The following RPS6KC1 variants were observed in gnomAD, a reference collection of about 807,000 sequenced individuals.
RPS6KC1 encodes ribosomal protein S6 kinase C1.
Under a neutral mutation model 103.8 loss-of-function variants are expected in RPS6KC1, and 54 were observed. The ratio of observed to expected loss-of-function variants is 0.52; its 90% CI spans 0.42 to 0.65. RPS6KC1 has a LOEUF of 0.65. RPS6KC1 is among the 30% of genes least tolerant of loss of function. The pLI, the probability that RPS6KC1 is intolerant of heterozygous loss-of-function variation, is 0.00. For synonymous variants in RPS6KC1, 439 were observed against 438.7 expected (o/e 1.00, Z -0.01); for missense variants, 1,151 against 1,253.8 (o/e 0.92, Z 1.24).
chr1:213,245,240 G>A (rs1428592396), intron 12 of RPS6KC1, among the ~76,000 whole-genome samples: 4 of 152,156 alleles, frequency 2.6e-5, no homozygotes. Flanking sequence ...AAGGATGGAA[G>A]CAATGATAAT....
chr1:213,858,531 T>C, the RPS6KC1 span, among the ~76,000 whole-genome samples: 1 of 152,104 alleles, frequency 6.6e-6, no homozygotes, highest in East Asian at 1.9e-4. Flanking sequence ...CACAGGCCAA[T>C]ATTGCTGCAC....
chr1:213,479,178 G>A, the RPS6KC1 span, among the ~76,000 whole-genome samples: 1 of 151,788 alleles, frequency 6.6e-6, no homozygotes, highest in Non-Finnish European at 1.5e-5. Flanking sequence ...TTAACTTTTT[G>A]TACTTATTAA....
the RPS6KC1 span, among the ~76,000 whole-genome samples, chr1:213,289,842 C>G: frequency 6.6e-6 from 1 of 152,240 alleles, no homozygotes; most frequent in East Asian, 1.9e-4. Context: ...AGTTTGAGAC[C>G]AGCCTGGCCA....
chr1:213,514,236 T>A, the RPS6KC1 span, among the ~76,000 whole-genome samples: 13 of 150,262 alleles, frequency 8.7e-5, no homozygotes, highest in Non-Finnish European at 1.6e-4. Context: ...AGGGATATAT[T>A]TTTTTTATTA....
At chr1:213,788,112 A>G in the RPS6KC1 span, among the ~76,000 whole-genome samples, 1 of 152,072 alleles carries the variant, frequency 6.6e-6, no homozygotes, top group South Asian at 2.1e-4. Flanking sequence ...ATTGGTTTTT[A>G]TTTTTCTTCT....
intron 3 of RPS6KC1, among the ~76,000 whole-genome samples, chr1:213,098,596 G>T (rs1416048587): frequency 6.6e-6 from 1 of 152,132 alleles, no homozygotes; most frequent in Non-Finnish European, 1.5e-5. Flanking sequence ...GGTACAGCTG[G>T]TTGGTGGAGC....
chr1:213,468,007 C>G, the RPS6KC1 span, among the ~76,000 whole-genome samples: 70 of 152,334 alleles, frequency 4.6e-4, 1 homozygote, highest in East Asian at 0.011. Flanking sequence ...CATTTGTTCT[C>G]TCCTTTAAGA....
chr1:213,362,013 A>T, the RPS6KC1 span, among the ~76,000 whole-genome samples: 2 of 152,164 alleles, frequency 1.3e-5, no homozygotes, highest in Admixed American at 1.3e-4. Flanking sequence ...ATGGTAAATT[A>T]TTTTAAAACC....
At chr1:213,645,290 C>T in the RPS6KC1 span, among the ~76,000 whole-genome samples, 2 of 151,940 alleles carry the variant, frequency 1.3e-5, no homozygotes, top group Non-Finnish European at 2.9e-5. Context: ...CAATTCTATG[C>T]CCAGTGCTCT....
the RPS6KC1 span, among the ~76,000 whole-genome samples, chr1:213,477,073 A>G: frequency 9.5e-4 from 144 of 152,306 alleles, no homozygotes; most frequent in Admixed American, 1.6e-3. Context: ...GAAAGATCCC[A>G]GTGTCATTCT....
chr1:213,178,620 G>A (rs2092051562), intron 8 of RPS6KC1, among the ~76,000 whole-genome samples: 1 of 151,970 alleles, frequency 6.6e-6, no homozygotes, highest in Non-Finnish European at 1.5e-5. Flanking sequence ...TTTGACAGTA[G>A]AAGAATTCCT....
intron 6 of RPS6KC1, among the ~76,000 whole-genome samples, chr1:213,153,121 C>A (rs1003811774): frequency 6.6e-6 from 1 of 152,180 alleles, no homozygotes; most frequent in Admixed American, 6.5e-5. Context: ...CGCAGGCACT[C>A]GGCAGGCTGA....
Position 213,272,617 on chromosome 1 carries a change from G to A in RPS6KC1, c.3184G>A (p.Ala1062Thr). The A allele has an allele frequency of 6.2e-7, 1 of 1,612,394 alleles. No individual in the cohort carries two copies. Among genetic ancestry groups the A allele is most frequent in the Non-Finnish European group, 8.5e-7 (1 of 1,178,508 alleles). The change falls in exon 15 of 15, where the codon GCA (alanine) becomes ACA (threonine). Residue 1062 changes from alanine to threonine, a missense_variant. By Grantham distance (58) the Ala-to-Thr change is moderately conservative. Coordinates refer to ENST00000366960, the MANE Select transcript of RPS6KC1 (RefSeq NM_012424.6). ...SHPFFTPVDW[A>T]ELMR Reference sequence around the variant, plus strand: ...TCCATTTTTTACCCCTGTGGATTGGGCAGAACTGATGAGATGAACGTAATG... The same window carrying A: ...TCCATTTTTTACCCCTGTGGATTGGACAGAACTGATGAGATGAACGTAATG...
the RPS6KC1 span, among the ~76,000 whole-genome samples, chr1:213,805,476 TC>T: frequency 1.3e-5 from 2 of 152,216 alleles, no homozygotes; most frequent in African/African-American, 2.4e-5. Flanking sequence ...AAAACCACTT[TC>T]TTTGCTCATC....
chr1:213,460,783 G>C, the RPS6KC1 span, among the ~76,000 whole-genome samples: 1 of 152,100 alleles, frequency 6.6e-6, no homozygotes, highest in Non-Finnish European at 1.5e-5. Flanking sequence ...GACAGGCCTG[G>C]TGGTGACAGA....
intron 12 of RPS6KC1, among the ~76,000 whole-genome samples, chr1:213,247,989 C>A (rs999130287): frequency 1.3e-4 from 20 of 152,154 alleles, no homozygotes; most frequent in African/African-American, 4.8e-4. Flanking sequence ...GCCAAAACAA[C>A]TTTTGTTTGG....
At chr1:213,628,386 G>A in the RPS6KC1 span, among the ~76,000 whole-genome samples, 1 of 151,810 alleles carries the variant, frequency 6.6e-6, no homozygotes, top group South Asian at 2.1e-4. Context: ...CTGGATTTAT[G>A]GATTTTTTGA....
chr1:213,630,408 G>C, the RPS6KC1 span, among the ~76,000 whole-genome samples: 1 of 152,114 alleles, frequency 6.6e-6, no homozygotes, highest in Non-Finnish European at 1.5e-5. Flanking sequence ...TGTAGTTCTT[G>C]TGCCTTGGTT....
chr1:213,357,522 T>C, the RPS6KC1 span, among the ~76,000 whole-genome samples: 1 of 152,118 alleles, frequency 6.6e-6, no homozygotes, highest in Non-Finnish European at 1.5e-5. Context: ...TTTTATTTGG[T>C]GGGTGAAACA....
Sources: allele counts gnomAD v4.1 joint callset (sites outside exome capture counted in the v4.1 genomes callset), GRCh38; gene constraint gnomAD v4.1.1; transcripts MANE v1.5; gene names NCBI Gene and HGNC (gene_info 2026-07-23, HGNC 2026-07-21).